The following ZNF592 variants were observed in gnomAD, a reference collection of about 807,000 sequenced individuals.
ZNF592 encodes the protein zinc finger protein 592, also known as spinocerebellar ataxia, autosomal recessive 5.
In ZNF592, 11 loss-of-function variants were observed where a neutral mutation model predicts 80.3. The ratio of observed to expected loss-of-function variants is 0.14; its 90% CI spans 0.09 to 0.23. The LOEUF is 0.23. Ranked by LOEUF, ZNF592 falls within the 10% of genes least tolerant of loss-of-function variation. The probability of loss-of-function intolerance (pLI) is 1.00; values close to 1 mark genes in which losing one functional copy is unlikely to be tolerated. For synonymous variants in ZNF592, 646 were observed against 640.3 expected, an observed-to-expected ratio of 1.01 and a Z score of -0.13; for missense variants, 1,420 against 1,633.9, an observed-to-expected ratio of 0.87 and a Z score of 2.26.
rs948300845 is a variant in ZNF592 at position 84,804,807 on chromosome 15, T to C, written c.*2414T>C. On this transcript the variant is annotated 3_prime_UTR_variant, in exon 11 of 11. Coordinates refer to ENST00000560079, the MANE Select transcript of ZNF592 (RefSeq NM_014630.3). ...TTCTTTAGTAAGAGTGAAGATAGCA[T>C]TTTAAGCCCTCCTTGTGTGCCTAGC... The C allele has an allele frequency of 1.3e-5, 2 of 152,216 alleles. No individual in the cohort carries two copies. The highest frequency in any genetic ancestry group is 1.3e-4 in the Admixed American group (2 of 15,276). The allele number at this position is 152,216 out of a possible 1,614,324, so 9.4% of individuals were successfully genotyped here. A position where few individuals can be genotyped will look rare whatever the true frequency, so the allele number is the denominator to read the frequency against.
chr15:84,802,458 C>A lies in ZNF592; in HGVS notation c.*65C>A. 1 of 1,575,164 alleles carries A rather than the reference C, an allele frequency of 6.3e-7. No homozygotes were observed. Among genetic ancestry groups the A allele is most frequent in the Non-Finnish European group, 8.7e-7 (1 of 1,153,438 alleles). ...AAGTGTCTTCCACCTGCCCTGCGGA[C>A]CGTGGAAAATAAAAGGCTCTGCCCC... On this transcript the variant is annotated 3_prime_UTR_variant, in exon 11 of 11. Coordinates refer to ENST00000560079, the MANE Select transcript of ZNF592 (RefSeq NM_014630.3).
intron 1 of ZNF592, among the ~76,000 whole-genome samples, chr15:84,758,375 C>T (rs1003477670): frequency 6.6e-6 from 1 of 151,994 alleles, no homozygotes; most frequent in Non-Finnish European, 1.5e-5. Flanking sequence ...TTTGACCAAC[C>T]AGGCTTAGGT....
chr15:84,766,683 T>C (rs1421714655), intron 2 of ZNF592, among the ~76,000 whole-genome samples: 1 of 131,202 alleles, frequency 7.6e-6, no homozygotes, highest in East Asian at 2.3e-4. Flanking sequence ...GAGGAAGGAA[T>C]AGAGGGAGAG....
intron 4 of ZNF592, among the ~76,000 whole-genome samples, chr15:84,788,449 G>T (rs576238933): frequency 6.6e-6 from 1 of 152,126 alleles, no homozygotes; most frequent in Non-Finnish European, 1.5e-5. Context: ...TATAGTTTAC[G>T]TTGGAAAATG....
At chr15:84,758,602 T>C (rs1167907550) in intron 1 of ZNF592, among the ~76,000 whole-genome samples, 1 of 152,020 alleles carries the variant, frequency 6.6e-6, no homozygotes, top group Non-Finnish European at 1.5e-5. Context: ...TTAATTAGCA[T>C]GTGTACTTGT....
chr15:84,796,532 G>A (rs924401919), intron 5 of ZNF592, among the ~76,000 whole-genome samples: 1 of 151,758 alleles, frequency 6.6e-6, no homozygotes, highest in Non-Finnish European at 1.5e-5. Context: ...CACAGGAGAG[G>A]GACTAGTAAT....
At chr15:84,772,044 C>T (rs1876516961) in intron 2 of ZNF592, among the ~76,000 whole-genome samples, 1 of 152,222 alleles carries the variant, frequency 6.6e-6, no homozygotes, top group Non-Finnish European at 1.5e-5. Context: ...CTAAGGTCTT[C>T]ACACAAGTAA....
chr15:84,795,165 T>C (rs1962860594), intron 5 of ZNF592, among the ~76,000 whole-genome samples: 1 of 151,652 alleles, frequency 6.6e-6, no homozygotes, highest in Non-Finnish European at 1.5e-5. Flanking sequence ...TTCTGTTCTT[T>C]ATTAATAATT....
In ZNF592 at chr15:84,748,646, TCGC is replaced by T. The variant is rs1170394880; in HGVS notation, c.-263_-261del. Reference sequence around the variant, plus strand: ...GCGCGGCCGAGACTCTGGCCTGCAGTCGCCGCCGCCGCCGCCAGGTAAGCGCCC... The same window carrying T: ...GCGCGGCCGAGACTCTGGCCTGCAGTCGCCGCCGCCGCCAGGTAAGCGCCC... On this transcript the variant is annotated 5_prime_UTR_variant, in exon 1 of 11. Transcript: ENST00000560079. The T allele has an allele frequency of 2.1e-5, 3 of 145,640 alleles. No homozygotes were observed. Among genetic ancestry groups the T allele is most frequent in the Admixed American group, 6.8e-5 (1 of 14,700 alleles). The allele number at this position is 145,640 out of a possible 1,614,324, so 9.0% of individuals were successfully genotyped here.
chr15:84,759,581 G>T (rs1899280854), intron 1 of ZNF592, among the ~76,000 whole-genome samples: 3 of 152,048 alleles, frequency 2.0e-5, no homozygotes, highest in Admixed American at 1.3e-4. Context: ...TTAGAGTCCT[G>T]TTTTAAATTA....
chr15:84,765,560 G>A (rs1899489356), intron 2 of ZNF592, among the ~76,000 whole-genome samples: 4 of 50,540 alleles, frequency 7.9e-5, no homozygotes, highest in Admixed American at 6.9e-4. Context: ...TTTTTTTTGA[G>A]ACAGAGTCTT....
At chr15:84,772,735 A>G (rs1962120513) in intron 2 of ZNF592, among the ~76,000 whole-genome samples, 1 of 152,142 alleles carries the variant, frequency 6.6e-6, no homozygotes, top group South Asian at 2.1e-4. Context: ...AATTCAAGAA[A>G]ACTTTTTTTT....
At chr15:84,795,782 A>G (rs1184421767) in intron 5 of ZNF592, among the ~76,000 whole-genome samples, 1 of 152,214 alleles carries the variant, frequency 6.6e-6, no homozygotes, top group Admixed American at 6.5e-5. Context: ...ATACAAATGT[A>G]GTAATGAATG....
rs552420351 is a variant in ZNF592 at position 84,795,019 on chromosome 15, T to C, written c.2400-2850T>C. Among the ~76,000 whole-genome samples the C allele has an allele frequency of 2.6e-5, 4 of 151,700 alleles. No individual in the cohort carries two copies. In the South Asian group the frequency reaches 8.3e-4, roughly 31 times the overall value. ...AGAGTTTTACAATATTATTTTATGT[T>C]TTGTATTATTTTTGCTTTTACTTGA... On this transcript the variant is annotated intron_variant, in intron 5 of 10. Coordinates refer to ENST00000560079, the MANE Select transcript of ZNF592 (RefSeq NM_014630.3).
chr15:84,779,241 CT>C (rs1195934879), intron 3 of ZNF592, among the ~76,000 whole-genome samples: 1 of 152,098 alleles, frequency 6.6e-6, no homozygotes, highest in Non-Finnish European at 1.5e-5. Flanking sequence ...GTAAATAGAA[CT>C]TTTTTATTGG....
At chr15:84,756,715 T>G (rs2141959836) in intron 1 of ZNF592, among the ~76,000 whole-genome samples, 1 of 152,312 alleles carries the variant, frequency 6.6e-6, no homozygotes, top group South Asian at 2.1e-4. Context: ...GCTATAAATC[T>G]TTAGGCCCTT....
chr15:84,790,513 C>T (rs1962716408), intron 4 of ZNF592, among the ~76,000 whole-genome samples, 192 bp from the exon 5 acceptor site: 1 of 152,172 alleles, frequency 6.6e-6, no homozygotes, highest in Non-Finnish European at 1.5e-5. Flanking sequence ...TCAGACAAAG[C>T]TTGCTTGGGT....
At chr15:84,801,303 A>T (rs1963089118) in intron 10 of ZNF592, among the ~76,000 whole-genome samples, 1 of 152,174 alleles carries the variant, frequency 6.6e-6, no homozygotes, top group Non-Finnish European at 1.5e-5. Flanking sequence ...AGCCTGGGTA[A>T]CAAAATGAGA....
chr15:84,784,871 G>A lies in ZNF592; in HGVS notation c.2196G>A (p.Arg732=), dbSNP rs1962545434. 6.2e-7 allele frequency: 1 copy of A among 1,614,118 alleles called. No individual in the cohort carries two copies. Among genetic ancestry groups the A allele is most frequent in the Non-Finnish European group, 8.5e-7 (1 of 1,180,034 alleles). ...TGGTCCTGGCTGCACATTTCCAGAG[G>A]ACAACAGAGGAGACAGAGGGGCTGG... The part of the protein sequence containing the change: ...DYMVLAAHFQ[R]TTEETEGLTC... Residue 732 remains arginine (R), a synonymous_variant, in exon 4 of 11, where the codon AGG becomes AGA. Transcript: ENST00000560079. This position sits in a 1 kb window ranked among gnomAD's most constrained non-coding sequence, Gnocchi z 5.8.
Sources: allele counts gnomAD v4.1 joint callset (sites outside exome capture counted in the v4.1 genomes callset), GRCh38; gene constraint gnomAD v4.1.1; non-coding constraint Gnocchi (gnomAD v3.1); transcripts MANE v1.5; gene names NCBI Gene and HGNC (gene_info 2026-07-23, HGNC 2026-07-21).